GLUD1: variants seen among roughly 807,000 people sequenced by gnomAD.
GLUD1 encodes glutamate dehydrogenase 1, mitochondrial.
GLUD1 carries 22 observed loss-of-function variants against 56.0 expected under a neutral mutation model. That is an observed-to-expected ratio of 0.39 (90% CI 0.28 to 0.56). The LOEUF is 0.56. Among genes scored for constraint, GLUD1 ranks in the 20% least tolerant of loss-of-function variants. The pLI is 0.58. For synonymous variants in GLUD1, 223 were observed against 269.9 expected (o/e 0.83, Z 1.70); for missense variants, 451 against 732.0 (o/e 0.62, Z 4.43).
intron 1 of GLUD1, among the ~76,000 whole-genome samples, chr10:87,085,779 A>G (rs1011918302): frequency 5.3e-5 from 8 of 152,224 alleles, no homozygotes; most frequent in African/African-American, 1.9e-4. Context: ...ATATCCATAA[A>G]ACATACAGCT....
intron 1 of GLUD1, among the ~76,000 whole-genome samples, chr10:87,091,115 T>A (rs1317661227): frequency 1.3e-5 from 2 of 152,166 alleles, no homozygotes; most frequent in South Asian, 2.1e-4. Flanking sequence ...TTAAAAGACT[T>A]AGGGTCAATG....
intron 1 of GLUD1, chr10:87,091,609 A>C (rs1841511299): frequency 6.2e-6 from 6 of 966,652 alleles, no homozygotes; most frequent in Admixed American, 6.2e-5. Context: ...TAACGGCCTC[A>C]GGTACATGTA....
intron 1 of GLUD1, among the ~76,000 whole-genome samples, chr10:87,083,123 C>T (rs778619742): frequency 6.6e-6 from 1 of 151,670 alleles, no homozygotes; most frequent in Non-Finnish European, 1.5e-5. Flanking sequence ...TTCCCGTAGT[C>T]CCATACTCAC....
At chr10:87,068,431 T>C (rs994681163) in intron 4 of GLUD1, among the ~76,000 whole-genome samples, 9 of 152,226 alleles carry the variant, frequency 5.9e-5, no homozygotes, top group African/African-American at 2.2e-4. Context: ...AGCCACTCCA[T>C]AGGATTTCTG....
At chr10:87,086,315 CT>C (rs1029788531) in intron 1 of GLUD1, among the ~76,000 whole-genome samples, 1 of 152,206 alleles carries the variant, frequency 6.6e-6, no homozygotes, top group Non-Finnish European at 1.5e-5. Context: ...CTACCAGTCT[CT>C]CAGGCTAGAA....
At chr10:87,089,094 A>G (rs929625378) in intron 1 of GLUD1, among the ~76,000 whole-genome samples, 3 of 152,198 alleles carry the variant, frequency 2.0e-5, no homozygotes, top group Admixed American at 6.5e-5. Flanking sequence ...TTGAATATGT[A>G]TTTTTCTAGG....
chr10:87,065,270 C>T (rs1846045059), intron 5 of GLUD1, among the ~76,000 whole-genome samples: 1 of 71,132 alleles, frequency 1.4e-5, no homozygotes, highest in African/African-American at 6.2e-5. Context: ...GAGACTCCGT[C>T]TCAAAAAAAA....
rs886047366 is a variant in GLUD1 at position 87,050,203 on chromosome 10, G to A, written c.*1548C>T. ...CATTAGAGCCTCTTTCTCAAGAACAGCTGTTCATATTATTTAATAAAATAC... is the reference window on the plus strand; with the variant it reads ...CATTAGAGCCTCTTTCTCAAGAACAACTGTTCATATTATTTAATAAAATAC... On this transcript the variant is annotated 3_prime_UTR_variant, in exon 13 of 13. Transcript: ENST00000277865. Among the ~76,000 whole-genome samples, 1 of 151,992 alleles carries A rather than the reference G, an allele frequency of 6.6e-6. No individual in the cohort carries two copies. Among genetic ancestry groups the A allele is most frequent in the African/African-American group, 2.4e-5 (1 of 41,362 alleles).
At chr10:87,060,633 C>G in intron 8 of GLUD1, 55 bp downstream of exon 8, 1 of 1,605,868 alleles carries the variant, frequency 6.2e-7, no homozygotes, top group East Asian at 2.2e-5. Flanking sequence ...TTCTATGACC[C>G]CCCTAACGTC....
At chr10:87,056,140 A>AC (rs1424209029) in intron 11 of GLUD1, among the ~76,000 whole-genome samples, 8 of 144,760 alleles carry the variant, frequency 5.5e-5, no homozygotes, top group African/African-American at 1.0e-4. Context: ...AAAAAAAAAA[A>AC]CCAAAAAAAA....
intron 4 of GLUD1, among the ~76,000 whole-genome samples, chr10:87,073,412 C>T (rs1211641989): frequency 6.6e-6 from 1 of 152,028 alleles, no homozygotes. Context: ...CCTCAGCCTC[C>T]AAAAATGCTG....
At position 87,059,282 on chromosome 10, in the gene GLUD1, A is replaced by C. The variant is rs1301800550; in HGVS notation, c.1279-9T>G. 6.2e-7 allele frequency: 1 copy of C among 1,613,182 alleles called. No homozygotes were observed. Among genetic ancestry groups the C allele is most frequent in the East Asian group, 2.2e-5 (1 of 44,872 alleles). ...GCATTCAAGTAGAGATCCTATGCACAAAAATAAGACAAAGAAATTAGAAGA... is the reference window on the plus strand; with the variant it reads ...GCATTCAAGTAGAGATCCTATGCACCAAAATAAGACAAAGAAATTAGAAGA... On this transcript the variant is annotated splice_polypyrimidine_tract_variant and intron_variant, in intron 9 of 12. Coordinates refer to ENST00000277865, the MANE Select transcript of GLUD1 (RefSeq NM_005271.5).
intron 1 of GLUD1, among the ~76,000 whole-genome samples, chr10:87,083,799 T>C (rs1841319087): frequency 1.4e-5 from 2 of 145,726 alleles, no homozygotes; most frequent in African/African-American, 5.2e-5. Flanking sequence ...CTGGACAACA[T>C]AGTGAGATCC....
chr10:87,081,756 C>A (rs1450560979), intron 1 of GLUD1, among the ~76,000 whole-genome samples: 2 of 151,632 alleles, frequency 1.3e-5, no homozygotes, highest in Non-Finnish European at 2.9e-5. Context: ...GCAGCATGCT[C>A]GTTAAGAGTC....
chr10:87,082,966 T>C (rs1841296748), intron 1 of GLUD1, among the ~76,000 whole-genome samples: 1 of 152,202 alleles, frequency 6.6e-6, no homozygotes, highest in African/African-American at 2.4e-5. Flanking sequence ...AGGGGCCAGA[T>C]GTGGTGGCTC....
intron 1 of GLUD1, among the ~76,000 whole-genome samples, chr10:87,084,451 G>T (rs1425195497): frequency 6.6e-6 from 1 of 152,162 alleles, no homozygotes; most frequent in Non-Finnish European, 1.5e-5. Context: ...AGCTTAAGTT[G>T]CTATAGTGAT....
intron 1 of GLUD1, among the ~76,000 whole-genome samples, chr10:87,081,024 G>A (rs1841227432): frequency 8.4e-6 from 1 of 119,148 alleles, no homozygotes; most frequent in Non-Finnish European, 1.9e-5. Context: ...GAGGTGGGGG[G>A]TCAGCCCCCC....
chr10:87,091,021 C>T (rs1370123865), intron 1 of GLUD1, among the ~76,000 whole-genome samples: 2 of 152,178 alleles, frequency 1.3e-5, no homozygotes, highest in South Asian at 2.1e-4. Context: ...CAAGATTCCA[C>T]TGTTTCCTTC....
At chr10:87,071,100 G>C (rs1237853388) in intron 4 of GLUD1, among the ~76,000 whole-genome samples, 2 of 151,554 alleles carry the variant, frequency 1.3e-5, no homozygotes, top group African/African-American at 4.8e-5. Flanking sequence ...CTACACTCCA[G>C]CCTGGGTGAC....
Sources: gnomAD v4.1 joint callset for allele counts (sites outside exome capture counted in the v4.1 genomes callset) on GRCh38, gnomAD v4.1.1 for gene constraint, MANE v1.5 for transcripts, NCBI Gene and HGNC (gene_info 2026-07-23, HGNC 2026-07-21) for gene names.